PRADC1: variants seen among roughly 807,000 people sequenced by gnomAD.
PRADC1 encodes protease-associated domain-containing protein 1.
Under a neutral mutation model 22.9 loss-of-function variants are expected in PRADC1, and 23 were observed. That is an observed-to-expected ratio of 1.00 (90% CI 0.72 to 1.42). The LOEUF is 1.42. Ranked by LOEUF, PRADC1 falls within the 40% of genes most tolerant of loss-of-function variation. The probability of loss-of-function intolerance (pLI) is 0.00; values close to 1 mark genes in which losing one functional copy is unlikely to be tolerated. For synonymous variants in PRADC1, 71 were observed against 100.3 expected (o/e 0.71, Z 1.75); for missense variants, 207 against 258.3 (o/e 0.80, Z 1.36).
chr2:73,229,434 C>G, intron 3 of PRADC1, 27 bp downstream of exon 3: 1 of 1,495,904 alleles, frequency 6.7e-7, no homozygotes, highest in Non-Finnish European at 9.3e-7. Context: ...CTGCCCACTC[C>G]TCGTGTCCTG....
At chr2:73,229,022 C>T in intron 3 of PRADC1, 60 bp from the exon 4 acceptor site, 1 of 1,502,994 alleles carries the variant, frequency 6.7e-7, no homozygotes, top group Non-Finnish European at 9.1e-7. Flanking sequence ...CTTCCCCAGA[C>T]CATCACCCTG....
chr2:73,232,235 G>A (rs1686659055), intron 1 of PRADC1, among the ~76,000 whole-genome samples: 1 of 152,012 alleles, frequency 6.6e-6, no homozygotes, highest in South Asian at 2.1e-4. Context: ...TACTTGGGAG[G>A]CTGAGGCAGG....
In PRADC1 at chr2:73,228,086, C is replaced by T. The variant is rs920659380; in HGVS notation, c.*368G>A. The T allele has an allele frequency of 4.1e-5, 11 of 268,944 alleles. No individual in the cohort carries two copies. The highest frequency in any genetic ancestry group is 6.5e-5 in the African/African-American group (3 of 46,428). The allele number at this position is 268,944 out of a possible 1,614,324, so 16.7% of individuals were successfully genotyped here. A position where few individuals can be genotyped will look rare whatever the true frequency, so the allele number is the denominator to read the frequency against. On this transcript the variant is annotated 3_prime_UTR_variant, in exon 5 of 5. Coordinates refer to ENST00000258083, the MANE Select transcript of PRADC1 (RefSeq NM_032319.3). The surrounding 1 kb of genome is among the most constrained non-coding windows in gnomAD (Gnocchi z 4.0). Reference sequence around the variant, plus strand: ...CCCCAAACACCAGCTCTTTAAACCACTCCAACAACTGCTGTGAAGGTCACT... The same window carrying T: ...CCCCAAACACCAGCTCTTTAAACCATTCCAACAACTGCTGTGAAGGTCACT...
chr2:73,229,796 G>A, intron 2 of PRADC1: 3 of 588,728 alleles, frequency 5.1e-6, no homozygotes, highest in Non-Finnish European at 9.1e-6. Context: ...GGACTTGGTT[G>A]TAGATCCAGA....
Position 73,228,873 on chromosome 2 carries a change from C to G in PRADC1, c.368G>C (p.Ser123Thr). ...GTCCTGGATCATCTCCACGTAGAAG[C>G]TGTCATTGTCAACTGCGTTGTCAGA... ...IISDNAVDND[S>T]FYVEMIQDST... is the part of the protein sequence containing the mutation. Residue 123 changes from serine (S) to threonine (T), a missense_variant, in exon 4 of 5, where the codon AGC becomes ACC. Ser to Thr is a moderately conservative substitution (Grantham distance 58, BLOSUM62 1). Transcript: ENST00000258083. The surrounding 1 kb of genome is among the most constrained non-coding windows in gnomAD (Gnocchi z 4.0). The G allele has an allele frequency of 6.2e-7, 1 of 1,613,608 alleles. No homozygotes were observed.
At chr2:73,231,441 G>C (rs1686633335) in intron 1 of PRADC1, among the ~76,000 whole-genome samples, 1 of 149,734 alleles carries the variant, frequency 6.7e-6, no homozygotes, top group African/African-American at 2.5e-5. Flanking sequence ...TTTTGAGACA[G>C]GGTCTCACTT....
In PRADC1 at chr2:73,229,509, A is replaced by G. The variant is rs1318799194; in HGVS notation, c.230T>C (p.Leu77Pro). ...PAEPPEACGE[L>P]SNGFFIQDQI... is the part of the protein sequence containing the mutation. Reference sequence around the variant, plus strand: ...GTCCTGGATGAAGAAACCGTTGCTGAGTTCCCCGCAGGCCTCTGGAGGTTC... The same window carrying G: ...GTCCTGGATGAAGAAACCGTTGCTGGGTTCCCCGCAGGCCTCTGGAGGTTC... The change falls in exon 3 of 5, where the codon CTC becomes CCC. Residue 77 changes from leucine to proline, a missense_variant. Transcript: ENST00000258083. 1 of 1,614,068 alleles carries G rather than the reference A, an allele frequency of 6.2e-7. No individual in the cohort carries two copies. Among genetic ancestry groups the G allele is most frequent in the Non-Finnish European group, 8.5e-7 (1 of 1,180,020 alleles).
In PRADC1 at chr2:73,228,905, C is replaced by CA; in HGVS notation, c.335dup (p.Ile113AspfsTer4). The CA allele has an allele frequency of 3.7e-6, 6 of 1,613,642 alleles. No homozygotes were observed. Among genetic ancestry groups the CA allele is most frequent in the Non-Finnish European group, 4.2e-6 (5 of 1,179,928 alleles). On this transcript the variant is annotated frameshift_variant, in exon 4 of 5. Transcript: ENST00000258083. LOFTEE classifies it high-confidence loss of function. This position sits in a 1 kb window ranked among gnomAD's most constrained non-coding sequence, Gnocchi z 4.0. ...TGTCAACTGCGTTGTCAGAGATGATCACCGCCCGCCCGCCGTGCTCCTGGA... is the reference window on the plus strand; with the variant it reads ...TGTCAACTGCGTTGTCAGAGATGATCAACCGCCCGCCCGCCGTGCTCCTGGA...
Position 73,228,131 on chromosome 2 carries a change from G to T in PRADC1, c.*323C>A. On this transcript the variant is annotated 3_prime_UTR_variant, in exon 5 of 5. Coordinates refer to ENST00000258083, the MANE Select transcript of PRADC1 (RefSeq NM_032319.3). The surrounding 1 kb of genome is among the most constrained non-coding windows in gnomAD (Gnocchi z 4.0). ...GTCACTGTGCAGAGACCCTGGGTAG[G>T]GGAGGCTGGAGCCAGGTGAGTGTGA... 2.7e-6 allele frequency: 1 copy of T among 364,356 alleles called. No homozygotes were observed. The highest frequency in any genetic ancestry group is 3.0e-5 in the South Asian group (1 of 33,284). The allele number at this position is 364,356 out of a possible 1,614,324, so 22.6% of individuals were successfully genotyped here. A position where few individuals can be genotyped will look rare whatever the true frequency, so the allele number is the denominator to read the frequency against.
intron 1 of PRADC1, among the ~76,000 whole-genome samples, chr2:73,232,526 A>T (rs187854973): frequency 3.3e-5 from 5 of 150,250 alleles, no homozygotes. Context: ...GGGAGTGGGG[A>T]CTCCCTCTCG....
At chr2:73,231,368 C>T (rs956250119) in intron 1 of PRADC1, among the ~76,000 whole-genome samples, 1 of 152,128 alleles carries the variant, frequency 6.6e-6, no homozygotes, top group African/African-American at 2.4e-5. Flanking sequence ...ATCCACCCGC[C>T]TGGGCCTTCC....
At chr2:73,229,040 A>ACTCT in intron 3 of PRADC1, 78 bp from the exon 4 acceptor site, 2 of 1,307,254 alleles carry the variant, frequency 1.5e-6, no homozygotes, top group South Asian at 2.6e-5. Flanking sequence ...CTGGGAGTAT[A>ACTCT]GAAGGCAGAC....
Position 73,228,399 on chromosome 2 carries a change from G to T in PRADC1, c.*55C>A, listed in dbSNP as rs1686557159. 1 of 1,606,324 alleles carries T rather than the reference G, an allele frequency of 6.2e-7. No homozygotes were observed. The highest frequency in any genetic ancestry group is 1.3e-5 in the African/African-American group (1 of 74,744). ...CAAATTCCAAGTAGCAAAATTCCTG[G>T]GTTTCCCCTTCCCAGCTCAGAGTCA... On this transcript the variant is annotated 3_prime_UTR_variant, in exon 5 of 5. Coordinates refer to ENST00000258083, the MANE Select transcript of PRADC1 (RefSeq NM_032319.3). This position sits in a 1 kb window ranked among gnomAD's most constrained non-coding sequence, Gnocchi z 4.0.
chr2:73,231,433 T>C (rs1686633132), intron 1 of PRADC1, among the ~76,000 whole-genome samples: 1 of 151,588 alleles, frequency 6.6e-6, no homozygotes, highest in South Asian at 2.1e-4. Context: ...TTTCTTTTTT[T>C]TGAGACAGGG....
chr2:73,229,597 G>T, intron 2 of PRADC1, 27 bp from the exon 3 acceptor site: 2 of 1,573,556 alleles, frequency 1.3e-6, no homozygotes, highest in Non-Finnish European at 1.7e-6. Flanking sequence ...ATTTGGACAG[G>T]TGAGAGTGTA....
At chr2:73,229,817 G>C (rs911822424) in intron 2 of PRADC1, 18 of 587,796 alleles carry the variant, frequency 3.1e-5, no homozygotes, top group Admixed American at 1.5e-4. Context: ...GAGAGGAAGT[G>C]ATGTGCCTTA....
rs1686555211 is a variant in PRADC1, at chr2:73,228,328, A to G, written c.*126T>C. 7.9e-7 allele frequency: 1 copy of G among 1,272,966 alleles called. No individual in the cohort carries two copies. 78.9% of individuals were successfully genotyped at this position (1,272,966 alleles called of 1,614,324 possible). A position where few individuals can be genotyped will look rare whatever the true frequency, so the allele number is the denominator to read the frequency against. Reference sequence around the variant, plus strand: ...TTCCCTTTCAGCCTAGCAACGCCCAAACCCTTTTCCTCTACCTGGCTCCAC... The same window carrying G: ...TTCCCTTTCAGCCTAGCAACGCCCAGACCCTTTTCCTCTACCTGGCTCCAC... On this transcript the variant is annotated 3_prime_UTR_variant, in exon 5 of 5. Coordinates refer to ENST00000258083, the MANE Select transcript of PRADC1 (RefSeq NM_032319.3). This position sits in a 1 kb window ranked among gnomAD's most constrained non-coding sequence, Gnocchi z 4.0.
At chr2:73,229,822 G>A in intron 2 of PRADC1, 1 of 588,278 alleles carries the variant, frequency 1.7e-6, no homozygotes, top group East Asian at 2.8e-5. Flanking sequence ...GAAGTGATGT[G>A]CCTTAAGTCA....
Position 73,229,531 on chromosome 2 carries a change from G to C in PRADC1, c.208C>G (p.Pro70Ala). The C allele has an allele frequency of 6.2e-7, 1 of 1,614,044 alleles. No homozygotes were observed. Among genetic ancestry groups the C allele is most frequent in the South Asian group, 1.1e-5 (1 of 91,086 alleles). Reference protein sequence around the residue: ...YEQIHLVPAEPPEACGELSNG... With the variant: ...YEQIHLVPAEAPEACGELSNG... ...CTGAGTTCCCCGCAGGCCTCTGGAG[G>C]TTCAGCGGGGACAAGGTGAATCTGC... Residue 70 changes from proline to alanine, a missense_variant, in exon 3 of 5, where the codon CCT (proline) becomes GCT (alanine). Transcript: ENST00000258083.
Sources: allele counts gnomAD v4.1 joint callset (sites outside exome capture counted in the v4.1 genomes callset), GRCh38; gene constraint gnomAD v4.1.1; non-coding constraint Gnocchi (gnomAD v3.1); transcripts MANE v1.5; gene names NCBI Gene and HGNC (gene_info 2026-07-23, HGNC 2026-07-21).